Variants in NR3C1 observed in about 807,000 individuals in gnomAD.
NR3C1 encodes the protein nuclear receptor subfamily 3 group C member 1.
Under a neutral mutation model 74.0 loss-of-function variants are expected in NR3C1, and 14 were observed. The ratio of observed to expected loss-of-function variants is 0.19; its 90% CI spans 0.12 to 0.30. The LOEUF is 0.30. Among genes scored for constraint, NR3C1 ranks in the 10% least tolerant of loss-of-function variants. The pLI, the probability that NR3C1 is intolerant of heterozygous loss-of-function variation, is 1.00. For missense variants in NR3C1, 695 were observed against 909.8 expected (o/e 0.76, Z 3.04); for synonymous variants, 308 against 332.5 (o/e 0.93, Z 0.80).
chr5:143,313,092 A>C (rs1258168224), intron 3 of NR3C1, among the ~76,000 whole-genome samples: 3 of 152,248 alleles, frequency 2.0e-5, no homozygotes, highest in Non-Finnish European at 4.4e-5. Flanking sequence ...TCATACAGTG[A>C]ATGAATAATT....
At chr5:143,380,221 C>T (rs1410179542) in intron 2 of NR3C1, among the ~76,000 whole-genome samples, 1 of 152,090 alleles carries the variant, frequency 6.6e-6, no homozygotes. Flanking sequence ...AATTATTTGA[C>T]TTAAATTTGC....
In NR3C1 at chr5:143,296,212, A is replaced by T. The variant is rs1318172458; in HGVS notation, c.1893-622T>A. ...TCAAATAGGTCTCTAAAGTTTCCTG[A>T]CTTGTGAAATGACACTAAGAGCCTG... is the stretch of plus-strand genomic sequence containing the variant. On this transcript the variant is annotated intron_variant, in intron 6 of 8. Transcript: ENST00000394464. Among the ~76,000 whole-genome samples the T allele has an allele frequency of 2.0e-5, 3 of 152,028 alleles. No individual in the cohort carries two copies. The East Asian group carries it at 5.8e-4, about 29-fold the overall frequency.
rs144374506 is a variant in NR3C1 at position 143,301,594 on chromosome 5, T to C, written c.1469-831A>G. Among the ~76,000 whole-genome samples, 155 of 152,296 alleles carry C rather than the reference T, an allele frequency of 1.0e-3. 3 individuals are homozygous for C. In the East Asian group the frequency reaches 0.022, roughly 22 times the overall value. On this transcript the variant is annotated intron_variant, in intron 4 of 8. Coordinates refer to ENST00000394464, the MANE Select transcript of NR3C1 (RefSeq NM_000176.3). ...TACAACATGGATCCTGTAGACTTTT[T>C]AGTAGACTTATTCATACTCCTGAAG... is the stretch of plus-strand genomic sequence containing the variant.
intron 2 of NR3C1, among the ~76,000 whole-genome samples, chr5:143,391,314 G>T (rs1262826536): frequency 6.6e-6 from 1 of 151,972 alleles, no homozygotes; most frequent in African/African-American, 2.4e-5. Context: ...GATCAATAAA[G>T]AAAACAAGTC....
chr5:143,368,342 T>C (rs979963564), intron 2 of NR3C1, among the ~76,000 whole-genome samples: 3 of 152,152 alleles, frequency 2.0e-5, no homozygotes, highest in Non-Finnish European at 4.4e-5. Flanking sequence ...TTTTTAAAGA[T>C]ACAGTGCCAA....
At chr5:143,365,891 T>C (rs974772514) in intron 2 of NR3C1, among the ~76,000 whole-genome samples, 7 of 152,136 alleles carry the variant, frequency 4.6e-5, no homozygotes, top group African/African-American at 7.2e-5. Flanking sequence ...AACAAGTTCC[T>C]AAATAATAAA....
At chr5:143,295,617 A>C (rs768132664) in intron 6 of NR3C1, 27 bp from the exon 7 acceptor site, 7 of 1,579,462 alleles carry the variant, frequency 4.4e-6, no homozygotes, top group Non-Finnish European at 8.7e-7. Context: ...GCAGGGTATT[A>C]GTTAGAAATA....
intron 1 of NR3C1, among the ~76,000 whole-genome samples, chr5:143,416,972 C>T (rs960430470): frequency 6.6e-6 from 1 of 151,998 alleles, no homozygotes; most frequent in African/African-American, 2.4e-5. Context: ...ACATAAATTG[C>T]TTTTCTATTT....
At chr5:143,368,644 T>C (rs1182659923) in intron 2 of NR3C1, among the ~76,000 whole-genome samples, 2 of 150,744 alleles carry the variant, frequency 1.3e-5, no homozygotes, top group African/African-American at 4.9e-5. Flanking sequence ...TCAAAGAAAA[T>C]ACACAAATGT....
At chr5:143,399,558 T>G (rs942592427) in intron 2 of NR3C1, 98 bp downstream of exon 2, 3 of 989,784 alleles carry the variant, frequency 3.0e-6, no homozygotes, top group Non-Finnish European at 4.7e-6. Flanking sequence ...AAAAAGCACA[T>G]GAATCTTTAG....
chr5:143,356,193 A>G (rs1429345924), intron 2 of NR3C1, among the ~76,000 whole-genome samples: 2 of 152,234 alleles, frequency 1.3e-5, no homozygotes, highest in Non-Finnish European at 2.9e-5. Flanking sequence ...AATGGGTAGT[A>G]TCCTCTCATC....
chr5:143,288,894 T>G (rs1440276592), intron 7 of NR3C1, among the ~76,000 whole-genome samples: 2 of 151,582 alleles, frequency 1.3e-5, no homozygotes, highest in African/African-American at 2.4e-5. Flanking sequence ...TCACCTGAGG[T>G]CAGGGTTTGA....
At chr5:143,406,136 A>G (rs72557304), upstream of NR3C1, among the ~76,000 whole-genome samples, 151 of 151,040 alleles carry the variant, frequency 1.0e-3, 3 homozygotes, top group East Asian at 0.022. Context: ...TATTATATAC[A>G]TATATATGTA....
chr5:143,420,526 A>ATTATAATGG (rs1751171042), intron 1 of NR3C1, among the ~76,000 whole-genome samples: 1 of 152,156 alleles, frequency 6.6e-6, no homozygotes, highest in African/African-American at 2.4e-5. Flanking sequence ...CATGCTATTA[A>ATTATAATGG]TTATAATGGT....
intron 1 of NR3C1, among the ~76,000 whole-genome samples, chr5:143,402,417 C>A (rs989094855): frequency 1.3e-5 from 2 of 152,336 alleles, no homozygotes; most frequent in Middle Eastern, 3.4e-3. Context: ...CAACCCCAAA[C>A]GTCAAACTAG....
At chr5:143,433,480 A>G (rs1476042897) in intron 1 of NR3C1, among the ~76,000 whole-genome samples, 9 of 133,722 alleles carry the variant, frequency 6.7e-5, no homozygotes, top group Non-Finnish European at 9.7e-5. Flanking sequence ...ATTTAATTTC[A>G]TCTTGTGTGG....
At chr5:143,366,787 A>C (rs1237219881) in intron 2 of NR3C1, among the ~76,000 whole-genome samples, 1 of 152,200 alleles carries the variant, frequency 6.6e-6, no homozygotes, top group Admixed American at 6.5e-5. Flanking sequence ...ACTTATAACA[A>C]ACAAGTAAAG....
At position 143,294,104 on chromosome 5, in the gene NR3C1, G is replaced by A. The variant is rs897771608; in HGVS notation, c.2023+1356C>T. On this transcript the variant is annotated intron_variant, in intron 7 of 8. Coordinates refer to ENST00000394464, the MANE Select transcript of NR3C1 (RefSeq NM_000176.3). The stretch of plus-strand genomic sequence containing the variant: ...CATTAACATAAAATAACTTTTTGTT[G>A]AGCAAAAATAGTGTGAAAACATTAA... 17 of 984,846 alleles carry A rather than the reference G, an allele frequency of 1.7e-5. No homozygotes were observed. In the East Asian group the frequency reaches 1.7e-3, roughly 99 times the overall value. 61.0% of individuals were successfully genotyped at this position (984,846 alleles called of 1,614,324 possible).
chr5:143,414,236 C>T (rs1239765676), intron 1 of NR3C1, among the ~76,000 whole-genome samples: 7 of 152,122 alleles, frequency 4.6e-5, no homozygotes, highest in Admixed American at 6.5e-5. Flanking sequence ...CTAGTTTTAT[C>T]GTCTTCCACT....
Sources: gnomAD v4.1 joint callset for allele counts (sites outside exome capture counted in the v4.1 genomes callset) on GRCh38, gnomAD v4.1.1 for gene constraint, MANE v1.5 for transcripts, NCBI Gene and HGNC (gene_info 2026-07-23, HGNC 2026-07-21) for gene names.